The following KCNIP4 variants were observed in gnomAD, a reference collection of about 807,000 sequenced individuals.
The protein encoded by KCNIP4 is potassium voltage-gated channel interacting protein 4.
KCNIP4 carries 12 observed loss-of-function variants against 34.0 expected under a neutral mutation model. That is an observed-to-expected ratio of 0.35 (90% CI 0.23 to 0.57). The LOEUF is 0.57. KCNIP4 is among the 20% of genes least tolerant of loss of function. KCNIP4 has a pLI of 0.83. For synonymous variants in KCNIP4, 124 were observed against 102.2 expected, an observed-to-expected ratio of 1.21 and a Z score of -1.29; for missense variants, 238 against 311.7, an observed-to-expected ratio of 0.76 and a Z score of 1.78.
At chr4:21,752,482 A>G (rs956767763) in intron 1 of KCNIP4, among the ~76,000 whole-genome samples, 29 of 152,162 alleles carry the variant, frequency 1.9e-4, no homozygotes, top group Admixed American at 1.3e-4. Flanking sequence ...CCGTAATCCA[A>G]CCACCTCCCA....
chr4:21,799,733 T>C (rs1021533818), intron 1 of KCNIP4, among the ~76,000 whole-genome samples: 1 of 152,198 alleles, frequency 6.6e-6, no homozygotes, highest in Non-Finnish European at 1.5e-5. Flanking sequence ...TGCTGTGATT[T>C]CTATGTCACA....
chr4:21,520,302 C>T (rs1735415279), intron 1 of KCNIP4, among the ~76,000 whole-genome samples: 1 of 152,260 alleles, frequency 6.6e-6, no homozygotes, highest in Middle Eastern at 3.4e-3. Context: ...AGGCCCCTCA[C>T]CAGAACCAGC....
chr4:21,654,440 C>T (rs1429378053), intron 1 of KCNIP4, among the ~76,000 whole-genome samples: 1 of 152,048 alleles, frequency 6.6e-6, no homozygotes, highest in Non-Finnish European at 1.5e-5. Flanking sequence ...AAAGGAGTGT[C>T]TTTTTTCTAA....
intron 1 of KCNIP4, among the ~76,000 whole-genome samples, chr4:21,630,500 C>G (rs566773942): frequency 6.6e-6 from 1 of 151,330 alleles, no homozygotes. Context: ...ATTTTCTTCT[C>G]TATCATCACC....
chr4:21,550,425 G>C (rs1045260679), intron 1 of KCNIP4, among the ~76,000 whole-genome samples: 22 of 152,122 alleles, frequency 1.4e-4, no homozygotes, highest in African/African-American at 4.8e-4. Context: ...AATTAGATTA[G>C]AGTGCCTGAG....
intron 1 of KCNIP4, among the ~76,000 whole-genome samples, chr4:21,413,984 A>G (rs1438464791): frequency 6.6e-6 from 1 of 152,176 alleles, no homozygotes; most frequent in Non-Finnish European, 1.5e-5. Context: ...TCATTTATTT[A>G]CTCAGCAAAT....
At chr4:21,503,214 A>G (rs1446044763) in intron 1 of KCNIP4, among the ~76,000 whole-genome samples, 1 of 152,134 alleles carries the variant, frequency 6.6e-6, no homozygotes, top group Non-Finnish European at 1.5e-5. Flanking sequence ...CTTGCTAAAA[A>G]CTAGTCTTGT....
At chr4:21,129,558 T>C (rs1431396589) in intron 1 of KCNIP4, among the ~76,000 whole-genome samples, 1 of 152,192 alleles carries the variant, frequency 6.6e-6, no homozygotes, top group East Asian at 1.9e-4. Context: ...GCAAGGAGTG[T>C]AATTCAGGTG....
intron 4 of KCNIP4, among the ~76,000 whole-genome samples, chr4:20,755,930 G>T (rs1258991251): frequency 6.6e-6 from 1 of 152,016 alleles, no homozygotes; most frequent in Non-Finnish European, 1.5e-5. Context: ...GCAGAGAAGG[G>T]ACAAGAGACA....
At chr4:21,892,621 T>C (rs1314592452) in intron 1 of KCNIP4, among the ~76,000 whole-genome samples, 1 of 151,288 alleles carries the variant, frequency 6.6e-6, no homozygotes, top group East Asian at 1.9e-4. Flanking sequence ...CAACAGGTTA[T>C]ACAATCTTAG....
intron 3 of KCNIP4, among the ~76,000 whole-genome samples, chr4:20,790,832 T>C (rs1017052467): frequency 6.6e-6 from 1 of 152,046 alleles, no homozygotes; most frequent in African/African-American, 2.4e-5. Flanking sequence ...CCTTGACAAG[T>C]TGGTTTGTAG....
intron 1 of KCNIP4, among the ~76,000 whole-genome samples, chr4:21,824,107 A>G (rs547243045): frequency 6.6e-6 from 1 of 152,298 alleles, no homozygotes; most frequent in South Asian, 2.1e-4. Flanking sequence ...GCAAAATATC[A>G]TAACAATGAG....
chr4:21,805,705 C>A (rs1216033002), intron 1 of KCNIP4, among the ~76,000 whole-genome samples: 1 of 152,108 alleles, frequency 6.6e-6, no homozygotes, highest in African/African-American at 2.4e-5. Context: ...CATGAATTTT[C>A]CCCTCTATGG....
intron 3 of KCNIP4, among the ~76,000 whole-genome samples, chr4:20,817,738 A>G (rs149050826): frequency 1.1e-3 from 167 of 150,076 alleles, no homozygotes; most frequent in African/African-American, 3.8e-3. Context: ...GAATAAATAT[A>G]TATATTAGAT....
At chr4:21,496,269 T>C (rs1446517771) in intron 1 of KCNIP4, among the ~76,000 whole-genome samples, 1 of 152,042 alleles carries the variant, frequency 6.6e-6, no homozygotes, top group Non-Finnish European at 1.5e-5. Context: ...CTAGGGCTAA[T>C]GTATATTGCT....
intron 1 of KCNIP4, among the ~76,000 whole-genome samples, chr4:21,349,391 T>A (rs1308932762): frequency 6.6e-6 from 1 of 152,198 alleles, no homozygotes; most frequent in Non-Finnish European, 1.5e-5. Flanking sequence ...CATGTTTTCC[T>A]GCTGAAATAG....
chr4:21,806,953 A>T (rs534732230), intron 1 of KCNIP4, among the ~76,000 whole-genome samples: 9 of 152,192 alleles, frequency 5.9e-5, no homozygotes, highest in African/African-American at 2.2e-4. Context: ...ATACTATACG[A>T]TGAAACAATC....
At chr4:21,099,161 A>T (rs1316235806) in intron 1 of KCNIP4, among the ~76,000 whole-genome samples, 2 of 152,196 alleles carry the variant, frequency 1.3e-5, no homozygotes, top group Admixed American at 6.5e-5. Context: ...ATAAAAATAC[A>T]TGCACACACA....
At chr4:21,920,468 G>A (rs2108994606) in intron 1 of KCNIP4, among the ~76,000 whole-genome samples, 1 of 152,180 alleles carries the variant, frequency 6.6e-6, no homozygotes, top group East Asian at 1.9e-4. Flanking sequence ...ACTTTGGGGT[G>A]TTGTTTGGGA....
Sources: allele counts gnomAD v4.1 joint callset (sites outside exome capture counted in the v4.1 genomes callset), GRCh38; gene constraint gnomAD v4.1.1; transcripts MANE v1.5; gene names NCBI Gene and HGNC (gene_info 2026-07-23, HGNC 2026-07-21).